The following TSPAN9 variants were observed in gnomAD, a reference collection of about 807,000 sequenced individuals.
TSPAN9 encodes tetraspanin 9.
TSPAN9 carries 16 observed loss-of-function variants against 31.0 expected under a neutral mutation model. The observed-to-expected ratio is 0.52, with a 90% CI of 0.35 to 0.78. The LOEUF (loss-of-function observed/expected upper bound fraction) is 0.78. TSPAN9 is among the 30% of genes least tolerant of loss of function. The pLI is 0.01. For missense variants in TSPAN9, 272 were observed against 312.5 expected (o/e 0.87, Z 0.98); for synonymous variants, 145 against 121.6 (o/e 1.19, Z -1.27).
chr12:3,149,537 G>T (rs1191472593), intron 2 of TSPAN9, among the ~76,000 whole-genome samples: 2 of 152,222 alleles, frequency 1.3e-5, no homozygotes, highest in Non-Finnish European at 2.9e-5. Flanking sequence ...GAAGAATGGA[G>T]AAGCATTGCC....
intron 3 of TSPAN9, among the ~76,000 whole-genome samples, chr12:3,278,133 T>C (rs546660797): frequency 6.6e-6 from 1 of 152,338 alleles, no homozygotes; most frequent in East Asian, 1.9e-4. Context: ...TTACGCACTT[T>C]TGCCTCTGTG....
intron 3 of TSPAN9, among the ~76,000 whole-genome samples, chr12:3,226,881 C>T (rs750030743): frequency 6.9e-6 from 1 of 145,116 alleles, no homozygotes; most frequent in African/African-American, 2.6e-5. Flanking sequence ...AACAGGCATA[C>T]ACCACTGTGC....
chr12:3,240,539 G>A (rs140212924), intron 3 of TSPAN9, among the ~76,000 whole-genome samples: 3 of 152,206 alleles, frequency 2.0e-5, no homozygotes, highest in Non-Finnish European at 1.5e-5. Context: ...CAGCTGGGCA[G>A]TGAGGAGGCC....
intron 2 of TSPAN9, among the ~76,000 whole-genome samples, chr12:3,137,830 G>A (rs2098332811): frequency 2.0e-5 from 3 of 152,068 alleles, no homozygotes; most frequent in African/African-American, 2.4e-5. Context: ...TCCACCTCTT[G>A]TCACACGGAT....
chr12:3,275,720 T>C (rs1478365977), intron 3 of TSPAN9, among the ~76,000 whole-genome samples: 1 of 152,228 alleles, frequency 6.6e-6, no homozygotes, highest in East Asian at 1.9e-4. Flanking sequence ...GCCCATTCTT[T>C]GGGAGCCCTG....
chr12:3,156,696 T>C (rs113855272), intron 2 of TSPAN9, among the ~76,000 whole-genome samples: 15,919 of 151,888 alleles, frequency 0.1, 920 homozygotes, highest in African/African-American at 0.16. Context: ...TTAGTAGAGA[T>C]GGGGTTTCAC....
At chr12:3,201,697 C>T (rs1224630016) in intron 3 of TSPAN9, among the ~76,000 whole-genome samples, 1 of 152,220 alleles carries the variant, frequency 6.6e-6, no homozygotes, top group Non-Finnish European at 1.5e-5. Context: ...CACAAGAATA[C>T]AATCTGCAGC....
intron 2 of TSPAN9, among the ~76,000 whole-genome samples, chr12:3,088,388 C>A (rs964305288): frequency 2.0e-5 from 3 of 149,996 alleles, no homozygotes; most frequent in African/African-American, 7.3e-5. Context: ...TGGTGTGAGT[C>A]ACTCCAAATT....
intron 2 of TSPAN9, among the ~76,000 whole-genome samples, chr12:3,121,439 A>G (rs1231205643): frequency 7.0e-6 from 1 of 143,110 alleles, no homozygotes; most frequent in Admixed American, 7.4e-5. Flanking sequence ...AGCTCATTAC[A>G]GCCTCGACCT....
chr12:3,281,857 G>T, intron 8 of TSPAN9, 40 bp downstream of exon 8: 13 of 1,606,090 alleles, frequency 8.1e-6, no homozygotes, highest in Non-Finnish European at 1.0e-5. Flanking sequence ...CACCCTGCTG[G>T]CCTCAGCCTC....
chr12:3,265,209 C>T (rs1017518884), intron 3 of TSPAN9, among the ~76,000 whole-genome samples: 6 of 152,218 alleles, frequency 3.9e-5, no homozygotes, highest in Non-Finnish European at 8.8e-5. Context: ...TCAGTGGCTT[C>T]TATGCTTTCC....
intron 2 of TSPAN9, among the ~76,000 whole-genome samples, chr12:3,158,071 C>T (rs944811917): frequency 6.6e-6 from 1 of 152,154 alleles, no homozygotes; most frequent in Non-Finnish European, 1.5e-5. Flanking sequence ...CAGGAGTTGG[C>T]GGCTTTTCAG....
chr12:3,112,241 G>A (rs1262073004), intron 2 of TSPAN9, among the ~76,000 whole-genome samples: 1 of 147,284 alleles, frequency 6.8e-6, no homozygotes, highest in East Asian at 2.0e-4. Flanking sequence ...ACAATGGCAC[G>A]ATCTCGGCTC....
intron 2 of TSPAN9, among the ~76,000 whole-genome samples, chr12:3,148,547 G>C (rs893215750): frequency 6.6e-6 from 1 of 152,206 alleles, no homozygotes; most frequent in African/African-American, 2.4e-5. Flanking sequence ...AGGGAGCGTG[G>C]CCGTGGTTGT....
intron 1 of TSPAN9, among the ~76,000 whole-genome samples, chr12:3,078,146 C>T (rs1296043833): frequency 1.3e-5 from 2 of 152,174 alleles, no homozygotes; most frequent in Non-Finnish European, 2.9e-5. Flanking sequence ...GCTTCATCTT[C>T]CCCCAAATGC....
chr12:3,166,655 G>A (rs183162313), intron 2 of TSPAN9, among the ~76,000 whole-genome samples: 13 of 152,310 alleles, frequency 8.5e-5, no homozygotes, highest in Non-Finnish European at 1.8e-4. Flanking sequence ...ACACATCTGT[G>A]GGACCAGCAT....
At chr12:3,249,673 G>C (rs1388981887) in intron 3 of TSPAN9, among the ~76,000 whole-genome samples, 1 of 152,190 alleles carries the variant, frequency 6.6e-6, no homozygotes, top group Non-Finnish European at 1.5e-5. Context: ...GCTGTCTTAG[G>C]GCTTCACATA....
intron 3 of TSPAN9, among the ~76,000 whole-genome samples, chr12:3,241,887 C>T (rs2098396750): frequency 7.4e-6 from 1 of 134,934 alleles, no homozygotes; most frequent in African/African-American, 2.5e-5. Flanking sequence ...CTCTCCCCTG[C>T]CCCCTCCCCA....
At chr12:3,222,050 G>A (rs567985487) in intron 3 of TSPAN9, among the ~76,000 whole-genome samples, 1 of 152,180 alleles carries the variant, frequency 6.6e-6, no homozygotes, top group Non-Finnish European at 1.5e-5. Context: ...GAAAGAAAGC[G>A]GCCAGCTACC....
Sources: gnomAD v4.1 joint callset for allele counts (sites outside exome capture counted in the v4.1 genomes callset) on GRCh38, gnomAD v4.1.1 for gene constraint, MANE v1.5 for transcripts, NCBI Gene and HGNC (gene_info 2026-07-23, HGNC 2026-07-21) for gene names.